KLHL13: variants seen among roughly 807,000 people sequenced by gnomAD.
KLHL13 encodes the protein kelch like family member 13.
KLHL13 carries 10 observed loss-of-function variants against 37.1 expected under a neutral mutation model. The ratio of observed to expected loss-of-function variants is 0.27; its 90% confidence interval spans 0.17 to 0.46. The LOEUF (loss-of-function observed/expected upper bound fraction) is 0.46. Among genes scored for constraint, KLHL13 ranks in the 20% least tolerant of loss-of-function variants. The probability of loss-of-function intolerance (pLI) is 1.00; values close to 1 mark genes in which losing one functional copy is unlikely to be tolerated. For missense variants in KLHL13, 360 were observed against 509.3 expected, an observed-to-expected ratio of 0.71 and a Z score of 2.82; for synonymous variants, 163 against 181.2, an observed-to-expected ratio of 0.90 and a Z score of 0.81.
At chrX:117,993,114 G>A (rs1241774493) in intron 1 of KLHL13, among the ~76,000 whole-genome samples, 2 of 112,282 alleles carry the variant, frequency 1.8e-5, no homozygotes, top group Admixed American at 9.4e-5. Context: ...GAGGATCAGG[G>A]AAAGTTTCAC....
At chrX:117,998,773 AC>A (rs1350647371) in intron 1 of KLHL13, among the ~76,000 whole-genome samples, 2 of 111,137 alleles carry the variant, frequency 1.8e-5, no homozygotes, top group African/African-American at 6.5e-5. Flanking sequence ...GCTACTGACC[AC>A]TGGGTAAAGA....
At chrX:117,994,603 C>T (rs1039475131) in intron 1 of KLHL13, among the ~76,000 whole-genome samples, 28 of 111,740 alleles carry the variant, frequency 2.5e-4, no homozygotes, top group African/African-American at 8.8e-4. Context: ...CAAACAGGTA[C>T]CTGGTCTTGG....
At chrX:117,902,481 A>C (rs915707692) in intron 5 of KLHL13, among the ~76,000 whole-genome samples, 2 of 111,864 alleles carry the variant, frequency 1.8e-5, no homozygotes, top group South Asian at 3.7e-4. Flanking sequence ...ATTTCTCTAC[A>C]TTTATACTTT....
chrX:118,107,907 G>C (rs938545367), intron 1 of KLHL13, among the ~76,000 whole-genome samples: 10 of 111,336 alleles, frequency 9.0e-5, no homozygotes, highest in African/African-American at 3.3e-4. Flanking sequence ...CATAAAATTA[G>C]CCAGGCGTGG....
At chrX:118,047,536 T>C (rs1280140512) in intron 1 of KLHL13, among the ~76,000 whole-genome samples, 1 of 112,133 alleles carries the variant, frequency 8.9e-6, no homozygotes, top group Non-Finnish European at 1.9e-5. Context: ...ATAAAACCAA[T>C]ATTAGGTTGG....
intron 1 of KLHL13, among the ~76,000 whole-genome samples, chrX:118,114,558 G>A (rs2055447531): frequency 8.9e-6 from 1 of 112,370 alleles, no homozygotes; most frequent in African/African-American, 3.2e-5. Flanking sequence ...TGAAAAAGTT[G>A]TAAGTTTTTA....
intron 1 of KLHL13, among the ~76,000 whole-genome samples, chrX:118,033,634 T>C (rs1168688394): frequency 1.8e-5 from 2 of 108,181 alleles, no homozygotes; most frequent in Non-Finnish European, 3.8e-5. Context: ...TGCTGCAAAA[T>C]CATGCCAAAA....
At position 117,929,778 on chromosome X, in the gene KLHL13, CAAAAAAAAAAAA is replaced by C. The variant is rs761687127; in HGVS notation, c.241-9420_241-9409del. Among the ~76,000 whole-genome samples, 4 of 25,029 alleles carry C rather than the reference CAAAAAAAAAAAA, an allele frequency of 1.6e-4. No individual in the cohort carries two copies. In the East Asian group the frequency reaches 0.011, roughly 68 times the overall value. The allele number at this position is 25,029 out of a possible 115,157, so 21.7% of individuals were successfully genotyped here. ...GCAATATAGTGAGACATCGTCTCTA[CAAAAAAAAAAAA>C]AAAAAAAAAAAAAACTTAAATTAAA... On this transcript the variant is annotated intron_variant, in intron 2 of 6. Transcript: ENST00000262820.
At chrX:118,008,541 A>T (rs1238992577) in intron 1 of KLHL13, among the ~76,000 whole-genome samples, 1 of 112,054 alleles carries the variant, frequency 8.9e-6, no homozygotes, top group Non-Finnish European at 1.9e-5. Context: ...TTCTGCTAGG[A>T]AGAGACAGGA....
At chrX:118,030,063 C>T (rs918215174) in intron 1 of KLHL13, among the ~76,000 whole-genome samples, 1 of 110,739 alleles carries the variant, frequency 9.0e-6, no homozygotes, top group Non-Finnish European at 1.9e-5. Flanking sequence ...TCTTCATTGT[C>T]GTCAGCCCTC....
In KLHL13 at chrX:117,964,542, T is replaced by TGCTGAATG. The variant is rs1255462372; in HGVS notation, c.98+8181_98+8188dup. ...GGCACATAATAGACAGTTGAGTAACTGCTGAATGTTATAAACTTAATATAC... is the reference window on the plus strand; with the variant it reads ...GGCACATAATAGACAGTTGAGTAACTGCTGAATGGCTGAATGTTATAAACTTAATATAC... On this transcript the variant is annotated intron_variant, in intron 1 of 6. Transcript: ENST00000262820. 3.3e-4 allele frequency among the ~76,000 whole-genome samples: 37 copies of TGCTGAATG among 112,388 alleles called. 1 individual carries two copies. In the South Asian group the frequency reaches 0.013, roughly 40 times the overall value.
At chrX:118,091,569 G>A (rs1267670488) in intron 1 of KLHL13, among the ~76,000 whole-genome samples, 1 of 110,573 alleles carries the variant, frequency 9.0e-6, no homozygotes, top group Non-Finnish European at 1.9e-5. Flanking sequence ...CTGTAAAACA[G>A]AAGAACACTA....
chrX:118,089,656 A>AAGAAAGAAAGAG (rs2055104056), intron 1 of KLHL13, among the ~76,000 whole-genome samples: 2 of 108,712 alleles, frequency 1.8e-5, no homozygotes, highest in African/African-American at 6.7e-5. Context: ...GAAAGAAAGA[A>AAGAAAGAAAGAG]AGAAAGAAAG....
chrX:117,989,240 A>G (rs184651870), intron 1 of KLHL13, among the ~76,000 whole-genome samples: 1 of 110,970 alleles, frequency 9.0e-6, no homozygotes, highest in African/African-American at 3.3e-5. Flanking sequence ...TTCATTTTCA[A>G]CCTGATCCTG....
intron 1 of KLHL13, among the ~76,000 whole-genome samples, chrX:118,033,718 A>T (rs1426079035): frequency 9.1e-6 from 1 of 109,705 alleles, no homozygotes; most frequent in Non-Finnish European, 1.9e-5. Flanking sequence ...TCATAATGAC[A>T]GGATCAAATT....
intron 1 of KLHL13, among the ~76,000 whole-genome samples, chrX:118,067,423 T>C (rs1318743631): frequency 9.1e-6 from 1 of 109,356 alleles, no homozygotes; most frequent in Non-Finnish European, 1.9e-5. Flanking sequence ...ATCAACACTG[T>C]ACACTTAGGT....
At chrX:118,050,928 C>A (rs779354696) in intron 1 of KLHL13, among the ~76,000 whole-genome samples, 2 of 111,896 alleles carry the variant, frequency 1.8e-5, no homozygotes, top group South Asian at 7.5e-4. Context: ...GGTGTGGGAT[C>A]GGTCTAGAGA....
At chrX:117,973,674 C>T (rs770709608) in exon 1 of KLHL13, 1 of 853,142 alleles carries the variant, frequency 1.2e-6, no homozygotes, top group African/African-American at 2.2e-5. Context: ...TTACAACATG[C>T]TGTAGTAACA....
At chrX:117,963,618 T>G (rs2147868211) in intron 1 of KLHL13, among the ~76,000 whole-genome samples, 1 of 100,765 alleles carries the variant, frequency 9.9e-6, no homozygotes, top group African/African-American at 3.6e-5. Flanking sequence ...GTATTTCTAG[T>G]TCTAGATCCC....
Sources: allele counts gnomAD v4.1 joint callset (sites outside exome capture counted in the v4.1 genomes callset), GRCh38; gene constraint gnomAD v4.1.1; transcripts MANE v1.5; gene names NCBI Gene and HGNC (gene_info 2026-07-23, HGNC 2026-07-21).